The following PCDHGB1 variants were observed in gnomAD, a reference collection of about 807,000 sequenced individuals.
The protein encoded by PCDHGB1 is protocadherin gamma subfamily B, 1.
PCDHGB1 carries 34 observed loss-of-function variants against 56.6 expected under a neutral mutation model. That is an observed-to-expected ratio of 0.60 (90% CI 0.46 to 0.80). The LOEUF is 0.80. Ranked by LOEUF, PCDHGB1 falls within the 30% of genes least tolerant of loss-of-function variation. PCDHGB1 has a pLI of 0.00. For synonymous variants in PCDHGB1, 561 were observed against 505.9 expected (o/e 1.11, Z -1.46); for missense variants, 1,278 against 1,204.6 (o/e 1.06, Z -0.90).
At chr5:141,508,124 G>C (rs1248096612) in intron 3 of PCDHGB1, 1 of 152,640 alleles carries the variant, frequency 6.6e-6, no homozygotes, top group Non-Finnish European at 1.5e-5. Flanking sequence ...AGGACAGAGG[G>C]AGGTCAGGGA....
chr5:141,373,270 G>A (rs1444168164), intron 1 of PCDHGB1, among the ~76,000 whole-genome samples: 3 of 152,194 alleles, frequency 2.0e-5, no homozygotes, highest in Non-Finnish European at 4.4e-5. Context: ...AGTATACACA[G>A]ATGTTGCCTA....
intron 1 of PCDHGB1, among the ~76,000 whole-genome samples, chr5:141,447,761 T>C (rs2098551051): frequency 1.3e-5 from 2 of 152,186 alleles, no homozygotes; most frequent in African/African-American, 4.8e-5. Context: ...TGACTGTATA[T>C]AAATTATACT....
chr5:141,490,730 A>C lies in PCDHGB1; in HGVS notation c.2410-4077A>C. On this transcript the variant is annotated intron_variant, in intron 1 of 3. Coordinates refer to ENST00000523390, the MANE Select transcript of PCDHGB1 (RefSeq NM_018922.3). This position sits in a 1 kb window ranked among gnomAD's most constrained non-coding sequence, Gnocchi z 5.4. ...CTCACCTACTCCATTGTAGGAAATC[A>C]GGTTCAGGGAGCCCCAGCCTCCTCC... 6.2e-7 allele frequency: 1 copy of C among 1,614,188 alleles called. No homozygotes were observed. Among genetic ancestry groups the C allele is most frequent in the Non-Finnish European group, 8.5e-7 (1 of 1,180,024 alleles).
Position 141,422,774 on chromosome 5 carries a change from A to G in PCDHGB1, c.2409+70105A>G, listed in dbSNP as rs372343628. On this transcript the variant is annotated intron_variant, in intron 1 of 3. Coordinates refer to ENST00000523390, the MANE Select transcript of PCDHGB1 (RefSeq NM_018922.3). ...ATTAACTCCAACACTGGTGTTCTCT[A>G]TGCCCTACAATCCTTCGACTATGAG... 100 of 1,613,880 alleles carry G rather than the reference A, an allele frequency of 6.2e-5. 1 individual carries two copies. In the Middle Eastern group the frequency reaches 1.3e-3, roughly 21 times the overall value.
At chr5:141,499,438 G>A (rs2154592492) in intron 2 of PCDHGB1, among the ~76,000 whole-genome samples, 1 of 152,158 alleles carries the variant, frequency 6.6e-6, no homozygotes, top group Admixed American at 6.5e-5. Context: ...AAAATTAAAA[G>A]GAAAACCACC....
At chr5:141,376,674 TCG>T in intron 1 of PCDHGB1, 1 of 648,166 alleles carries the variant, frequency 1.5e-6, no homozygotes, top group South Asian at 2.1e-5. Context: ...GGTGAGGGTA[TCG>T]TTTTTTTTTT....
Position 141,486,314 on chromosome 5 carries a change from T to C in PCDHGB1, c.2410-8493T>C, listed in dbSNP as rs775833520. The C allele has an allele frequency of 4.5e-5, 72 of 1,613,758 alleles. No homozygotes were observed. The highest frequency in any genetic ancestry group is 5.9e-5 in the Non-Finnish European group (70 of 1,179,984). On this transcript the variant is annotated intron_variant, in intron 1 of 3. Transcript: ENST00000523390. This position sits in a 1 kb window ranked among gnomAD's most constrained non-coding sequence, Gnocchi z 5.0. ...CAGTGTGCAGGATCCAGACTCAGGG[T>C]CAAACGGAGATGTGAGCCTCCGCAT...
At chr5:141,371,265 C>A in intron 1 of PCDHGB1, 1 of 1,614,024 alleles carries the variant, frequency 6.2e-7, no homozygotes, top group Non-Finnish European at 8.5e-7. Context: ...AGTGAGACAA[C>A]TGTTCAAGCT....
intron 1 of PCDHGB1, among the ~76,000 whole-genome samples, chr5:141,461,119 C>T (rs959427669): frequency 6.6e-6 from 1 of 152,016 alleles, no homozygotes; most frequent in Admixed American, 6.6e-5. Flanking sequence ...GTGTCTTTTT[C>T]ATATAATTAC....
intron 3 of PCDHGB1, 87 bp from the exon 4 acceptor site, chr5:141,510,854 TGTATAG>T: frequency 6.2e-7 from 1 of 1,602,320 alleles, no homozygotes; most frequent in Non-Finnish European, 8.5e-7. Flanking sequence ...CCCAGGGTGC[TGTATAG>T]GCATTCATTA....
chr5:141,420,197 A>C (rs760921171), intron 1 of PCDHGB1: 2 of 1,613,630 alleles, frequency 1.2e-6, no homozygotes, highest in South Asian at 2.2e-5. Context: ...CACACAAGAT[A>C]ACCTCAACAA....
At chr5:141,466,275 A>G (rs1163982252) in intron 1 of PCDHGB1, among the ~76,000 whole-genome samples, 1 of 152,112 alleles carries the variant, frequency 6.6e-6, no homozygotes. Context: ...AGCTCAAGCA[A>G]TCTTCCCACC....
intron 1 of PCDHGB1, among the ~76,000 whole-genome samples, chr5:141,353,900 A>G (rs1026429677): frequency 6.6e-6 from 1 of 152,220 alleles, no homozygotes; most frequent in Non-Finnish European, 1.5e-5. Flanking sequence ...AATTCTGTAT[A>G]GCTAATGCCC....
intron 1 of PCDHGB1, chr5:141,414,152 A>G (rs1251267001): frequency 1.9e-6 from 3 of 1,600,994 alleles, no homozygotes; most frequent in Non-Finnish European, 2.6e-6. Context: ...ATACAAGCAG[A>G]AGATGGAGGA....
rs1759709417 is a variant in PCDHGB1, at chr5:141,355,082, G to T, written c.2409+2413G>T. The T allele has an allele frequency of 4.9e-6, 7 of 1,429,210 alleles. No homozygotes were observed. In the East Asian group the frequency reaches 1.4e-4, roughly 29 times the overall value. The allele number at this position is 1,429,210 out of a possible 1,614,324, so 88.5% of individuals were successfully genotyped here. On this transcript the variant is annotated intron_variant, in intron 1 of 3. Coordinates refer to ENST00000523390, the MANE Select transcript of PCDHGB1 (RefSeq NM_018922.3). Reference sequence around the variant, plus strand: ...CTGGAGCTTTATGAAAGCTTCAAGCGGAAGCCCTGAGAGCTCTGGCTGTGA... The same window carrying T: ...CTGGAGCTTTATGAAAGCTTCAAGCTGAAGCCCTGAGAGCTCTGGCTGTGA...
intron 1 of PCDHGB1, chr5:141,375,178 A>G: frequency 6.2e-7 from 1 of 1,613,980 alleles, no homozygotes; most frequent in Non-Finnish European, 8.5e-7. Context: ...CAGGAACAGT[A>G]ATCGCCCTTT....
chr5:141,506,380 TG>T (rs2099852860), intron 3 of PCDHGB1, among the ~76,000 whole-genome samples: 1 of 141,314 alleles, frequency 7.1e-6, no homozygotes, highest in Non-Finnish European at 1.5e-5. Flanking sequence ...ACCTGGGAGG[TG>T]GCTGTGGTGA....
rs201825683 is a variant in PCDHGB1 at position 141,404,916 on chromosome 5, C to T, written c.2409+52247C>T. The T allele has an allele frequency of 1.5e-4, 243 of 1,613,780 alleles. No homozygotes were observed. The highest frequency in any genetic ancestry group is 1.1e-4 in the Non-Finnish European group (126 of 1,179,862). ...CAGGACCATGGCCAGCCCCCTCTCTCGGCCACTGTCACGCTCACAGTAGCC... is the reference window on the plus strand; with the variant it reads ...CAGGACCATGGCCAGCCCCCTCTCTTGGCCACTGTCACGCTCACAGTAGCC... On this transcript the variant is annotated intron_variant, in intron 1 of 3. Transcript: ENST00000523390.
intron 2 of PCDHGB1, among the ~76,000 whole-genome samples, chr5:141,497,767 C>T (rs1419825322): frequency 1.3e-5 from 2 of 152,066 alleles, no homozygotes; most frequent in East Asian, 3.9e-4. Flanking sequence ...TCAAACTCCC[C>T]GACCTCAACT....
Sources: allele counts gnomAD v4.1 joint callset (sites outside exome capture counted in the v4.1 genomes callset), GRCh38; gene constraint gnomAD v4.1.1; non-coding constraint Gnocchi (gnomAD v3.1); transcripts MANE v1.5; gene names NCBI Gene and HGNC (gene_info 2026-07-23, HGNC 2026-07-21).